Variants in NEK1 observed in about 807,000 individuals in gnomAD.
NEK1 encodes NIMA related kinase 1, also known as serine/threonine-protein kinase Nek1.
A neutral mutation model predicts 182.1 loss-of-function variants in NEK1; 137 were observed. That is an observed-to-expected ratio of 0.75 (90% CI 0.65 to 0.87). NEK1 has a LOEUF of 0.87. Ranked by LOEUF, NEK1 falls within the 40% of genes least tolerant of loss-of-function variation. The probability of loss-of-function intolerance (pLI) is 0.00; values close to 1 mark genes in which losing one functional copy is unlikely to be tolerated. For missense variants in NEK1, 1,391 were observed against 1,494.4 expected (o/e 0.93, Z 1.14); for synonymous variants, 513 against 492.2 (o/e 1.04, Z -0.56).
intron 19 of NEK1, among the ~76,000 whole-genome samples, chr4:169,529,578 G>C (rs1757379522): frequency 6.6e-6 from 1 of 152,082 alleles, no homozygotes; most frequent in Admixed American, 6.6e-5. Flanking sequence ...TGACAAACTG[G>C]ACTTCATCAA....
At chr4:169,452,969 G>A (rs959149381) in intron 27 of NEK1, among the ~76,000 whole-genome samples, 13 of 152,112 alleles carry the variant, frequency 8.5e-5, no homozygotes, top group African/African-American at 2.7e-4. Flanking sequence ...CAAAGTCTCA[G>A]GATACAAAAT....
chr4:169,589,447 C>G lies in NEK1; in HGVS notation c.464G>C (p.Ser155Thr). Residue 155 changes from serine (S) to threonine (T), a missense_variant and splice_region_variant, in exon 7 of 36, where the codon AGT becomes ACT. Physicochemically the swap from Ser to Thr is moderately conservative, Grantham distance 58. Around this residue, in one of 5 missense-constraint regions of NEK1, gnomAD observed 116 missense variants for 114.5 expected, o/e 1.01. Transcript: ENST00000507142. ...AAACAAAGTTTAAAATTCATGTTAC[C>G]TATTAAGAACTCTAGCAATTCCAAA... ...GDFGIARVLN[S>T]TVELARTCIG... 1 of 1,465,686 alleles carries G rather than the reference C, an allele frequency of 6.8e-7. No individual in the cohort carries two copies. The highest frequency in any genetic ancestry group is 9.3e-7 in the Non-Finnish European group (1 of 1,077,968). The allele number at this position is 1,465,686 out of a possible 1,614,324, so 90.8% of individuals were successfully genotyped here. A position where few individuals can be genotyped will look rare whatever the true frequency, so the allele number is the denominator to read the frequency against.
At chr4:169,473,586 T>C (rs1389322896) in intron 26 of NEK1, among the ~76,000 whole-genome samples, 1 of 151,978 alleles carries the variant, frequency 6.6e-6, no homozygotes, top group Non-Finnish European at 1.5e-5. Flanking sequence ...TATTCAATGA[T>C]TTGAAAATAA....
At chr4:169,493,993 G>C (rs1229159966) in intron 23 of NEK1, among the ~76,000 whole-genome samples, 1 of 152,060 alleles carries the variant, frequency 6.6e-6, no homozygotes, top group Non-Finnish European at 1.5e-5. Context: ...ACAGTCATCA[G>C]ACAATCCAGG....
chr4:169,586,964 A>C (rs2150076674), intron 9 of NEK1, among the ~76,000 whole-genome samples: 1 of 152,146 alleles, frequency 6.6e-6, no homozygotes, highest in African/African-American at 2.4e-5. Context: ...ATGAAAATAC[A>C]ATATTGTTTA....
chr4:169,585,793 C>T (rs549782291), intron 9 of NEK1, among the ~76,000 whole-genome samples: 12 of 152,058 alleles, frequency 7.9e-5, no homozygotes, highest in South Asian at 6.2e-4. Context: ...ATTAAATAAA[C>T]GTTTCATAAA....
rs529021361 is a variant in NEK1, at chr4:169,525,866, C to CA, written c.1665+11942dup. 3.3e-3 allele frequency among the ~76,000 whole-genome samples: 501 copies of CA among 152,300 alleles called. 2 individuals carry two copies. The highest frequency in any genetic ancestry group is 5.8e-3 in the Non-Finnish European group (397 of 68,022). On this transcript the variant is annotated intron_variant, in intron 19 of 35. Transcript: ENST00000507142. ...CAGCTAAAAGCATAATCTTGAGAGT[C>CA]AGACATTCTGGGTTTGCACCCTGTT... is the stretch of plus-strand genomic sequence containing the variant.
intron 23 of NEK1, among the ~76,000 whole-genome samples, chr4:169,496,755 C>A (rs1269533589): frequency 1.1e-4 from 17 of 151,984 alleles, no homozygotes; most frequent in African/African-American, 3.6e-4. Flanking sequence ...GGATGAAGCC[C>A]ACTTGATCAT....
chr4:169,426,354 G>T, intron 29 of NEK1, 120 bp from the exon 30 acceptor site: 1 of 747,336 alleles, frequency 1.3e-6, no homozygotes, highest in Non-Finnish European at 2.2e-6. Flanking sequence ...CCTCTTCCAA[G>T]TATTTTTCTC....
chr4:169,528,728 T>C (rs10012920), intron 19 of NEK1, among the ~76,000 whole-genome samples: 13,527 of 152,238 alleles, frequency 0.089, 789 homozygotes, highest in African/African-American at 0.16. Flanking sequence ...AGAATGTAGA[T>C]AGGCTATCAG....
intron 22 of NEK1, 43 bp from the exon 23 acceptor site, chr4:169,507,175 G>T: frequency 2.4e-6 from 3 of 1,261,006 alleles, no homozygotes; most frequent in South Asian, 1.5e-5. Context: ...CCAGAAAGAA[G>T]GGCAGAGGTT....
At position 169,602,594 on chromosome 4, in the gene NEK1, C is replaced by T; in HGVS notation, c.37G>A (p.Gly13Ser). ...KYVRLQKIGE[G>S]SFGKAILVKS... ...ACAAGAATGGCTTTTCCAAATGAAC[C>T]TTCTCCAATCTTCTGTAGTCTAACA... The change falls in exon 3 of 36, where the codon GGT (glycine) becomes AGT (serine). Residue 13 changes from glycine to serine, a missense_variant. By Grantham distance (56) the Gly-to-Ser change is moderately conservative. Around this residue, in one of 5 missense-constraint regions of NEK1, gnomAD observed 42 missense variants for 47.9 expected, o/e 0.88. Transcript: ENST00000507142. 6.2e-7 allele frequency: 1 copy of T among 1,606,940 alleles called. No homozygotes were observed. The highest frequency in any genetic ancestry group is 8.5e-7 in the Non-Finnish European group (1 of 1,174,034).
intron 12 of NEK1, among the ~76,000 whole-genome samples, chr4:169,570,805 G>A (rs1764684926): frequency 6.6e-6 from 1 of 152,174 alleles, no homozygotes. Flanking sequence ...AAGTAGACAT[G>A]GGAGACTTTT....
At chr4:169,488,447 T>C (rs566466243) in intron 23 of NEK1, among the ~76,000 whole-genome samples, 1 of 152,324 alleles carries the variant, frequency 6.6e-6, no homozygotes, top group South Asian at 2.1e-4. Flanking sequence ...TCCCTATTGC[T>C]TGTTTTTGTC....
chr4:169,398,741 T>G (rs538389610), intron 35 of NEK1, among the ~76,000 whole-genome samples: 21 of 152,284 alleles, frequency 1.4e-4, no homozygotes, highest in African/African-American at 5.1e-4. Flanking sequence ...TATATTTCAA[T>G]GCAATCTTAG....
At chr4:169,456,306 A>T (rs543500491) in intron 27 of NEK1, among the ~76,000 whole-genome samples, 1 of 152,204 alleles carries the variant, frequency 6.6e-6, no homozygotes, top group South Asian at 2.1e-4. Flanking sequence ...ATCTTAAAGA[A>T]CTACAAAAGC....
At chr4:169,573,368 G>A (rs946579609) in intron 12 of NEK1, among the ~76,000 whole-genome samples, 3 of 152,166 alleles carry the variant, frequency 2.0e-5, no homozygotes, top group Non-Finnish European at 2.9e-5. Flanking sequence ...AATACACTGA[G>A]GAAATATAAT....
At position 169,463,317 on chromosome 4, in the gene NEK1, G is replaced by C. The variant is rs768127664; in HGVS notation, c.2513C>G (p.Ser838Cys). The C allele has an allele frequency of 6.2e-7, 1 of 1,609,622 alleles. No homozygotes were observed. Among genetic ancestry groups the C allele is most frequent in the Non-Finnish European group, 8.5e-7 (1 of 1,177,372 alleles). Residue 838 changes from serine to cysteine, a missense_variant, in exon 27 of 36, where the codon TCT becomes TGT. By Grantham distance (112) the Ser-to-Cys change is moderately radical (BLOSUM62 -1). Coordinates refer to ENST00000507142, the MANE Select transcript of NEK1 (RefSeq NM_001199397.3). ...RRAWGKSPTD[S>C]VLKILGEAEL... ...AGCTTCTCCAAGTATCTTTAGAACA[G>C]AATCTGTCGGACTTTTCCCCCAGGC...
At chr4:169,580,061 T>C (rs565084189) in intron 11 of NEK1, among the ~76,000 whole-genome samples, 53 of 152,164 alleles carry the variant, frequency 3.5e-4, no homozygotes, top group Non-Finnish European at 6.6e-4. Flanking sequence ...TACATATACA[T>C]AGTATATAAC....
Sources: allele counts gnomAD v4.1 joint callset (sites outside exome capture counted in the v4.1 genomes callset), GRCh38; gene constraint gnomAD v4.1.1; regional missense constraint gnomAD v4.1.1; transcripts MANE v1.5; gene names NCBI Gene and HGNC (gene_info 2026-07-23, HGNC 2026-07-21).